The following FANK1 variants were observed in gnomAD, a reference collection of about 807,000 sequenced individuals.
FANK1 encodes fibronectin type III and ankyrin repeat domains 1.
A neutral mutation model predicts 45.3 loss-of-function variants in FANK1; 44 were observed. That is an observed-to-expected ratio of 0.97 (90% CI 0.76 to 1.25). FANK1 has a LOEUF of 1.25. FANK1 is among the 50% of genes most tolerant of loss of function. The probability of loss-of-function intolerance (pLI) is 0.00; values close to 1 mark genes in which losing one functional copy is unlikely to be tolerated. For synonymous variants in FANK1, 149 were observed against 152.5 expected (o/e 0.98, Z 0.17); for missense variants, 391 against 424.4 (o/e 0.92, Z 0.69).
In FANK1 at chr10:126,004,500, C is replaced by T. The variant is rs548784026; in HGVS notation, c.540-384C>T. The stretch of plus-strand genomic sequence containing the variant: ...CTGCCCCCCTGAAAGAAGCCCTGCC[C>T]TCTTCAGCAATCACACCCCATTACT... On this transcript the variant is annotated intron_variant, in intron 6 of 10. Coordinates refer to ENST00000368693, the MANE Select transcript of FANK1 (RefSeq NM_145235.5). 1.7e-4 allele frequency: 29 copies of T among 175,348 alleles called. No individual in the cohort carries two copies. The East Asian group carries it at 4.0e-3, about 24-fold the overall frequency. The allele number at this position is 175,348 out of a possible 1,614,324, so 10.9% of individuals were successfully genotyped here.
At chr10:125,937,065 G>A (rs1388896297) in intron 1 of FANK1, among the ~76,000 whole-genome samples, 3 of 150,832 alleles carry the variant, frequency 2.0e-5, no homozygotes, top group South Asian at 2.1e-4. Flanking sequence ...GCCAAACTCC[G>A]TCTCAAAAAA....
chr10:125,951,857 C>T (rs999756226), intron 1 of FANK1, among the ~76,000 whole-genome samples: 1 of 152,144 alleles, frequency 6.6e-6, no homozygotes, highest in Non-Finnish European at 1.5e-5. Context: ...AAAAGCAATT[C>T]AAATGCATTT....
intron 8 of FANK1, 34 bp from the exon 9 acceptor site, chr10:126,009,020 G>A (rs1306220882): frequency 1.2e-6 from 2 of 1,604,834 alleles, no homozygotes; most frequent in Admixed American, 1.7e-5. Context: ...GGAGGGAGAA[G>A]CTCATGCACA....
At chr10:125,985,449 T>G (rs1483486147) in intron 2 of FANK1, among the ~76,000 whole-genome samples, 1 of 152,260 alleles carries the variant, frequency 6.6e-6, no homozygotes, top group African/African-American at 2.4e-5. Flanking sequence ...TATTACTTTT[T>G]AGCCCTGGCG....
chr10:125,975,438 G>A (rs879243178), intron 1 of FANK1, among the ~76,000 whole-genome samples: 4 of 152,160 alleles, frequency 2.6e-5, no homozygotes, highest in Admixed American at 6.5e-5. Context: ...TTCCACAATC[G>A]TTGAACAAAT....
intron 1 of FANK1, among the ~76,000 whole-genome samples, chr10:125,927,541 A>G (rs1036048023): frequency 1.3e-5 from 2 of 150,584 alleles, no homozygotes; most frequent in African/African-American, 4.9e-5. Context: ...ATTATGAGTA[A>G]TGCCATTATA....
At chr10:125,942,894 A>G (rs979058323) in intron 1 of FANK1, among the ~76,000 whole-genome samples, 1 of 151,256 alleles carries the variant, frequency 6.6e-6, no homozygotes, top group Non-Finnish European at 1.5e-5. Context: ...GCTCACTGCA[A>G]CATCTGCCTC....
intron 2 of FANK1, among the ~76,000 whole-genome samples, chr10:125,981,692 G>C (rs1239032118): frequency 6.6e-6 from 1 of 152,106 alleles, no homozygotes; most frequent in Non-Finnish European, 1.5e-5. Flanking sequence ...TTCATATCCA[G>C]TTGTAAGAAA....
intron 1 of FANK1, among the ~76,000 whole-genome samples, chr10:125,908,681 C>T (rs189686140): frequency 4.6e-5 from 7 of 152,152 alleles, no homozygotes; most frequent in African/African-American, 1.7e-4. Flanking sequence ...GCACTAAAAT[C>T]TCAGAAATCA....
intron 1 of FANK1, among the ~76,000 whole-genome samples, chr10:125,914,436 T>C (rs1403419831): frequency 6.6e-6 from 1 of 151,988 alleles, no homozygotes; most frequent in Non-Finnish European, 1.5e-5. Flanking sequence ...CAGTCAGGTA[T>C]TGGTTGAATA....
chr10:125,900,167 C>T (rs1589751518), intron 1 of FANK1, among the ~76,000 whole-genome samples: 1 of 151,666 alleles, frequency 6.6e-6, no homozygotes, highest in African/African-American at 2.4e-5. Context: ...GAAATGACTT[C>T]CCAGGGAAAG....
intron 1 of FANK1, 115 bp from the exon 2 acceptor site, chr10:125,980,046 G>A: frequency 1.9e-6 from 2 of 1,080,278 alleles, no homozygotes; most frequent in Non-Finnish European, 1.3e-6. Flanking sequence ...ATGCTCATAT[G>A]TGTGCCTTAT....
intron 1 of FANK1, among the ~76,000 whole-genome samples, chr10:125,931,426 G>GT (rs1321120537): frequency 2.6e-5 from 4 of 152,134 alleles, no homozygotes; most frequent in Non-Finnish European, 4.4e-5. Context: ...GAGTAAGGTG[G>GT]TATCACATTG....
intron 1 of FANK1, among the ~76,000 whole-genome samples, chr10:125,926,829 C>T (rs1487653406): frequency 6.6e-6 from 1 of 152,234 alleles, no homozygotes; most frequent in Admixed American, 6.5e-5. Context: ...GGGCGAGCTC[C>T]CTCAATTTCT....
chr10:125,981,920 T>C (rs1231129910), intron 2 of FANK1, among the ~76,000 whole-genome samples: 1 of 152,206 alleles, frequency 6.6e-6, no homozygotes, highest in African/African-American at 2.4e-5. Flanking sequence ...TAAATATGTA[T>C]ATAATCTGTA....
At chr10:125,971,331 G>C (rs1454530827) in intron 1 of FANK1, among the ~76,000 whole-genome samples, 1 of 151,902 alleles carries the variant, frequency 6.6e-6, no homozygotes, top group African/African-American at 2.4e-5. Context: ...CTCCACTACT[G>C]GTTGCTATGG....
Position 125,968,907 on chromosome 10 carries a change from G to A in FANK1, c.14-11254G>A, listed in dbSNP as rs114262131. On this transcript the variant is annotated intron_variant, in intron 1 of 10. Coordinates refer to ENST00000368693, the MANE Select transcript of FANK1 (RefSeq NM_145235.5). ...TGAGTAACCATAGGGACTGAGTGGC[G>A]ACAGTGTATGAAGCCCTTTATTATT... Among the ~76,000 whole-genome samples, 299 of 152,246 alleles carry A rather than the reference G, an allele frequency of 2.0e-3. 1 individual carries two copies. Among genetic ancestry groups the A allele is most frequent in the African/African-American group, 6.9e-3 (285 of 41,558 alleles).
In FANK1 at chr10:125,983,148, C is replaced by T. The variant is rs928957345; in HGVS notation, c.191+2810C>T. Among the ~76,000 whole-genome samples the T allele has an allele frequency of 1.6e-4, 25 of 152,238 alleles. No individual in the cohort carries two copies. Among genetic ancestry groups the T allele is most frequent in the Middle Eastern group, 3.4e-3 (1 of 294 alleles). The stretch of plus-strand genomic sequence containing the variant: ...TTACTGTCCTTTGAATATGCCTTGA[C>T]GTTTTCTGCATGTGTGTTCAGTTGT... On this transcript the variant is annotated intron_variant, in intron 2 of 10. Transcript: ENST00000368693. The surrounding 1 kb of genome is among the most constrained non-coding windows in gnomAD (Gnocchi z 4.3).
intron 3 of FANK1, among the ~76,000 whole-genome samples, chr10:125,991,333 G>A (rs1951928079): frequency 6.6e-6 from 1 of 151,402 alleles, no homozygotes; most frequent in South Asian, 2.1e-4. Context: ...ATCACTGCCT[G>A]CAGCCAGGAA....
Sources: allele counts gnomAD v4.1 joint callset (sites outside exome capture counted in the v4.1 genomes callset), GRCh38; gene constraint gnomAD v4.1.1; non-coding constraint Gnocchi (gnomAD v3.1); transcripts MANE v1.5; gene names NCBI Gene and HGNC (gene_info 2026-07-23, HGNC 2026-07-21).